The following CSNK2A1 variants were observed in gnomAD, a reference collection of about 807,000 sequenced individuals.
CSNK2A1 encodes the protein casein kinase II subunit alpha.
In CSNK2A1, 10 loss-of-function variants were observed where a neutral mutation model predicts 62.9. The ratio of observed to expected loss-of-function variants is 0.16; its 90% CI spans 0.10 to 0.27. CSNK2A1 has a LOEUF of 0.27. Ranked by LOEUF, CSNK2A1 falls within the 10% of genes least tolerant of loss-of-function variation. The pLI, the probability that CSNK2A1 is intolerant of heterozygous loss-of-function variation, is 1.00. For missense variants in CSNK2A1, 160 were observed against 492.0 expected, an observed-to-expected ratio of 0.33 and a Z score of 6.38; for synonymous variants, 124 against 167.8, an observed-to-expected ratio of 0.74 and a Z score of 2.02.
At chr20:518,348 T>C (rs1600400280) in intron 2 of CSNK2A1, among the ~76,000 whole-genome samples, 1 of 152,118 alleles carries the variant, frequency 6.6e-6, no homozygotes, top group East Asian at 1.9e-4. Flanking sequence ...GCATACTTCC[T>C]AATGGTGAGA....
chr20:495,667 G>T, intron 8 of CSNK2A1, 52 bp downstream of exon 8: 1 of 1,486,664 alleles, frequency 6.7e-7, no homozygotes, highest in Non-Finnish European at 9.4e-7. Flanking sequence ...TTGAAGATGG[G>T]CAATTAGCTA....
intron 2 of CSNK2A1, among the ~76,000 whole-genome samples, chr20:515,567 C>T (rs1004659502): frequency 6.6e-6 from 1 of 152,138 alleles, no homozygotes; most frequent in African/African-American, 2.4e-5. Flanking sequence ...GTGAGTTGGC[C>T]TCCAAGGTTC....
At chr20:492,996 A>T (rs1386483489) in intron 8 of CSNK2A1, among the ~76,000 whole-genome samples, 1 of 152,230 alleles carries the variant, frequency 6.6e-6, no homozygotes, top group African/African-American at 2.4e-5. Flanking sequence ...CACTGTGCAT[A>T]GCATGACCAT....
At chr20:514,803 A>G (rs180707052) in intron 2 of CSNK2A1, among the ~76,000 whole-genome samples, 139 of 152,320 alleles carry the variant, frequency 9.1e-4, no homozygotes, top group African/African-American at 2.7e-3. Flanking sequence ...ATGCATATGT[A>G]TATCACATGT....
At position 480,628 on chromosome 20, in the gene CSNK2A1, T is replaced by C. The variant is rs1257061120; in HGVS notation, c.*3333A>G. On this transcript the variant is annotated 3_prime_UTR_variant, in exon 14 of 14. Transcript: ENST00000217244. Reference sequence around the variant, plus strand: ...TAGACTCATTTTTTGAGGAAGGAACTGAGCATGACCTTACCACACAGCCTT... The same window carrying C: ...TAGACTCATTTTTTGAGGAAGGAACCGAGCATGACCTTACCACACAGCCTT... 1 of 152,188 alleles carries C rather than the reference T, an allele frequency of 6.6e-6. No individual in the cohort carries two copies. The highest frequency in any genetic ancestry group is 1.5e-5 in the Non-Finnish European group (1 of 68,032). 9.4% of individuals were successfully genotyped at this position (152,188 alleles called of 1,614,324 possible). A position where few individuals can be genotyped will look rare whatever the true frequency, so the allele number is the denominator to read the frequency against.
At position 486,401 on chromosome 20, in the gene CSNK2A1, G is replaced by A. The variant is rs201384964; in HGVS notation, c.1035C>T (p.Pro345=). The A allele has an allele frequency of 1.9e-5, 31 of 1,613,296 alleles. No individual in the cohort carries two copies. The highest frequency in any genetic ancestry group is 9.4e-5 in the African/African-American group (7 of 74,804). The change falls in exon 13 of 14, where the codon CCC becomes CCT. Residue 345 remains proline (P), a synonymous_variant. Coordinates refer to ENST00000217244, the MANE Select transcript of CSNK2A1 (RefSeq NM_177559.3). ...CTGACATCATATTGGCGCTGCTGACGGGCGTACTGCCCCCTGGCATGCTAG... is the reference window on the plus strand; with the variant it reads ...CTGACATCATATTGGCGCTGCTGACAGGCGTACTGCCCCCTGGCATGCTAG... The part of the protein sequence containing the change: ...GSSSMPGGST[P]VSSANMMSGI...
chr20:489,752 AT>A, intron 10 of CSNK2A1, 27 bp downstream of exon 10: 2 of 1,586,544 alleles, frequency 1.3e-6, no homozygotes, highest in Admixed American at 1.7e-5. Flanking sequence ...AGGCCAGTAC[AT>A]TTTTCAATGG....
intron 8 of CSNK2A1, 34 bp downstream of exon 8, chr20:495,685 T>C (rs757650982): frequency 6.3e-7 from 1 of 1,582,976 alleles, no homozygotes; most frequent in East Asian, 2.2e-5. Flanking sequence ...CTACATCATG[T>C]AGATAAATAA....
chr20:500,547 G>C (rs1049641349), intron 4 of CSNK2A1: 2 of 152,336 alleles, frequency 1.3e-5, no homozygotes, highest in African/African-American at 4.8e-5. Flanking sequence ...TAAGATTGTT[G>C]CAAGAATCAA....
intron 2 of CSNK2A1, among the ~76,000 whole-genome samples, chr20:518,256 TTC>T (rs2018867984): frequency 1.3e-5 from 2 of 152,322 alleles, no homozygotes; most frequent in Non-Finnish European, 2.9e-5. Flanking sequence ...TAGAATTTTG[TTC>T]TCACATAAAC....
intron 4 of CSNK2A1, chr20:503,396 A>G: frequency 2.5e-6 from 1 of 398,206 alleles, no homozygotes; most frequent in Non-Finnish European, 4.4e-6. Flanking sequence ...TTTCCAACCT[A>G]GTTCTCTTTC....
chr20:524,898 T>C (rs761881909), intron 2 of CSNK2A1, among the ~76,000 whole-genome samples: 2 of 151,532 alleles, frequency 1.3e-5, no homozygotes, highest in African/African-American at 2.4e-5. Context: ...GAAAGATGGC[T>C]TGAGGCTGAG....
chr20:496,517 C>T (rs954432299), intron 7 of CSNK2A1: 3 of 152,162 alleles, frequency 2.0e-5, no homozygotes, highest in African/African-American at 7.2e-5. Flanking sequence ...TTCAGTCAGC[C>T]GACGTTGTTG....
At chr20:498,246 T>C (rs2018384990) in intron 6 of CSNK2A1, 1 of 153,542 alleles carries the variant, frequency 6.5e-6, no homozygotes, top group African/African-American at 2.4e-5. Flanking sequence ...AAACTATTCT[T>C]GTTCCAATTG....
chr20:494,619 T>C (rs2018307419), intron 8 of CSNK2A1: 1 of 152,246 alleles, frequency 6.6e-6, no homozygotes, highest in African/African-American at 2.4e-5. Flanking sequence ...GTAGTTAACT[T>C]TTAAATTTCA....
At chr20:488,024 G>A (rs1236768765) in intron 11 of CSNK2A1, 2 of 170,844 alleles carry the variant, frequency 1.2e-5, no homozygotes, top group African/African-American at 2.4e-5. Context: ...TTAAGAGTCG[G>A]TTGTCTGCAT....
intron 12 of CSNK2A1, 77 bp from the exon 13 acceptor site, chr20:486,539 C>T (rs1278476226): frequency 2.7e-6 from 4 of 1,508,278 alleles, no homozygotes; most frequent in African/African-American, 1.4e-5. Context: ...TGAAAGCAGC[C>T]AGCTTCATTC....
intron 1 of CSNK2A1, among the ~76,000 whole-genome samples, chr20:540,600 T>C (rs1400616629): frequency 6.6e-6 from 1 of 152,122 alleles, no homozygotes; most frequent in Non-Finnish European, 1.5e-5. Flanking sequence ...AGTGGTGCCA[T>C]TACCGCTCAC....
Position 523,837 on chromosome 20 carries a change from C to T in CSNK2A1, c.-110+4096G>A, listed in dbSNP as rs566257998. ...TCACGCCAATGCACTCCAGCCTGGG[C>T]GACAGAGCAAGACTCCATCTCAAAA... On this transcript the variant is annotated intron_variant, in intron 2 of 13. Coordinates refer to ENST00000217244, the MANE Select transcript of CSNK2A1 (RefSeq NM_177559.3). 4.2e-4 allele frequency among the ~76,000 whole-genome samples: 51 copies of T among 121,060 alleles called. No individual in the cohort carries two copies. The South Asian group carries it at 4.9e-3, about 12-fold the overall frequency. 79.4% of individuals were successfully genotyped at this position (121,060 alleles called of 152,430 possible). A position where few individuals can be genotyped will look rare whatever the true frequency, so the allele number is the denominator to read the frequency against.
Sources: allele counts gnomAD v4.1 joint callset (sites outside exome capture counted in the v4.1 genomes callset), GRCh38; gene constraint gnomAD v4.1.1; transcripts MANE v1.5; gene names NCBI Gene and HGNC (gene_info 2026-07-23, HGNC 2026-07-21).